The following TBX18 variants were observed in gnomAD, a reference collection of about 807,000 sequenced individuals.
TBX18 encodes T-box transcription factor TBX18.
Under a neutral mutation model 55.0 loss-of-function variants are expected in TBX18, and 21 were observed. The ratio of observed to expected loss-of-function variants is 0.38; its 90% CI spans 0.27 to 0.55. TBX18 has a LOEUF of 0.55. TBX18 is among the 20% of genes least tolerant of loss of function. The pLI is 0.73. For synonymous variants in TBX18, 342 were observed against 326.1 expected (o/e 1.05, Z -0.53); for missense variants, 840 against 799.6 (o/e 1.05, Z -0.61).
intron 1 of TBX18, 48 bp downstream of exon 1, chr6:84,763,842 T>G: frequency 6.9e-7 from 1 of 1,446,218 alleles, no homozygotes; most frequent in East Asian, 2.6e-5. Context: ...TCGCAGAAGT[T>G]CAGGTTCGCG....
Position 84,738,515 on chromosome 6 carries a change from G to A in TBX18, c.1081C>T (p.Pro361Ser). 1 of 1,613,972 alleles carries A rather than the reference G, an allele frequency of 6.2e-7. No homozygotes were observed. Among genetic ancestry groups the A allele is most frequent in the Non-Finnish European group, 8.5e-7 (1 of 1,179,960 alleles). Residue 361 changes from proline to serine, a missense_variant, in exon 7 of 8, where the codon CCT (proline) becomes TCT (serine). By Grantham distance (74) the Pro-to-Ser change is moderately conservative. Coordinates refer to ENST00000369663, the MANE Select transcript of TBX18 (RefSeq NM_001080508.3). Reference sequence around the variant, plus strand: ...GAGTTACCTTGCTTGGGAATTCCAGGGATATCTTCAAAGGTCAGAGTCCGT... The same window carrying A: ...GAGTTACCTTGCTTGGGAATTCCAGAGATATCTTCAAAGGTCAGAGTCCGT... ...SLRTLTFEDIPGIPKQGNASS... is the reference protein window; with the variant it reads ...SLRTLTFEDISGIPKQGNASS...
In TBX18 at chr6:84,763,877, G is replaced by T; in HGVS notation, c.292+13C>A. On this transcript the variant is annotated intron_variant, in intron 1 of 7. Coordinates refer to ENST00000369663, the MANE Select transcript of TBX18 (RefSeq NM_001080508.3). ...GCCGGAGAGAAGTTATAGGCAGGAA[G>T]GGGCCCACTCACCCGCGGCTCCGCG... 6.7e-7 allele frequency: 1 copy of T among 1,488,826 alleles called. No homozygotes were observed. The highest frequency in any genetic ancestry group is 1.3e-5 in the South Asian group (1 of 74,136). The allele number at this position is 1,488,826 out of a possible 1,614,324, so 92.2% of individuals were successfully genotyped here. A position where few individuals can be genotyped will look rare whatever the true frequency, so the allele number is the denominator to read the frequency against.
At chr6:84,748,501 A>C (rs540074137) in intron 4 of TBX18, among the ~76,000 whole-genome samples, 1 of 152,344 alleles carries the variant, frequency 6.6e-6, no homozygotes, top group South Asian at 2.1e-4. Context: ...ATTCACAGAC[A>C]AGGTTTTTTT....
rs761848630 is a variant in TBX18, at chr6:84,764,154, A to C, written c.28T>G (p.Cys10Gly). The change falls in exon 1 of 8, where the codon TGC becomes GGC. Residue 10 changes from cysteine to glycine, a missense_variant. Transcript: ENST00000369663. Reference protein sequence around the residue: MAEKRRGSPCSMLSLKAHAF... With the variant: MAEKRRGSPGSMLSLKAHAF... The stretch of plus-strand genomic sequence containing the variant: ...TGCGCCTTGAGGCTTAGCATGCTGC[A>C]CGGCGAGCCCCTTCGCTTCTCGGCC... 4.1e-5 allele frequency: 62 copies of C among 1,530,748 alleles called. No individual in the cohort carries two copies. The highest frequency in any genetic ancestry group is 5.0e-5 in the Non-Finnish European group (57 of 1,150,238). 94.8% of individuals were successfully genotyped at this position (1,530,748 alleles called of 1,614,324 possible).
chr6:84,738,405 G>GT (rs774002776), intron 7 of TBX18, 92 bp downstream of exon 7: 2 of 949,886 alleles, frequency 2.1e-6, no homozygotes, highest in East Asian at 2.5e-5. Flanking sequence ...GGTCATTATT[G>GT]TAAGTATAAA....
intron 4 of TBX18, among the ~76,000 whole-genome samples, chr6:84,753,439 G>GGA (rs79876876): frequency 5.4e-5 from 8 of 148,778 alleles, no homozygotes; most frequent in South Asian, 2.1e-4. Flanking sequence ...ACTGAGAAGA[G>GGA]AAAAAAAAAA....
At chr6:84,763,385 A>C (rs1489588622) in intron 1 of TBX18, 4 of 457,754 alleles carry the variant, frequency 8.7e-6, no homozygotes, top group Non-Finnish European at 1.8e-5. Context: ...GCCTTGGCAG[A>C]GAAATCAAGA....
chr6:84,762,486 G>A lies in TBX18; in HGVS notation c.497+58C>T, dbSNP rs1003863731. The A allele has an allele frequency of 4.4e-6, 7 of 1,588,174 alleles. No homozygotes were observed. In the Admixed American group the frequency reaches 6.7e-5, roughly 15 times the overall value. On this transcript the variant is annotated intron_variant, in intron 2 of 7. Coordinates refer to ENST00000369663, the MANE Select transcript of TBX18 (RefSeq NM_001080508.3). ...GGCCCTTCTTCCTGATTGAGCTAGAGGTGAGTGAAGACAGGGTCTGGGGTA... is the reference window on the plus strand; with the variant it reads ...GGCCCTTCTTCCTGATTGAGCTAGAAGTGAGTGAAGACAGGGTCTGGGGTA...
At chr6:84,753,565 G>A (rs1396590900) in intron 4 of TBX18, among the ~76,000 whole-genome samples, 1 of 152,160 alleles carries the variant, frequency 6.6e-6, no homozygotes, top group Admixed American at 6.5e-5. Context: ...AGGGGCAGAT[G>A]GGATGAACCT....
intron 5 of TBX18, among the ~76,000 whole-genome samples, chr6:84,746,814 T>C (rs1262919153): frequency 1.3e-5 from 2 of 150,576 alleles, no homozygotes; most frequent in East Asian, 3.9e-4. Flanking sequence ...TCTATTAGCA[T>C]AGATAATAAA....
In TBX18 at chr6:84,744,195, T is replaced by C. The variant is rs1212881564; in HGVS notation, c.1004+66A>G. The C allele has an allele frequency of 4.4e-6, 6 of 1,374,120 alleles. No homozygotes were observed. The South Asian group carries it at 5.2e-5, about 12-fold the overall frequency. The allele number at this position is 1,374,120 out of a possible 1,614,324, so 85.1% of individuals were successfully genotyped here. On this transcript the variant is annotated intron_variant, in intron 6 of 7. Coordinates refer to ENST00000369663, the MANE Select transcript of TBX18 (RefSeq NM_001080508.3). ...GTAAATTTAGCCATTTACTTTGTAATAGAAAATTCATAATAAAATATCAAA... is the reference window on the plus strand; with the variant it reads ...GTAAATTTAGCCATTTACTTTGTAACAGAAAATTCATAATAAAATATCAAA...
At chr6:84,757,491 G>A (rs1292553243) in intron 3 of TBX18, among the ~76,000 whole-genome samples, 1 of 152,006 alleles carries the variant, frequency 6.6e-6, no homozygotes. Flanking sequence ...GGAAAATTTT[G>A]TATTATCATA....
At chr6:84,740,616 T>C (rs968547237) in intron 6 of TBX18, among the ~76,000 whole-genome samples, 2 of 152,204 alleles carry the variant, frequency 1.3e-5, no homozygotes, top group Admixed American at 6.5e-5. Flanking sequence ...ACTGGACTAA[T>C]GAACTCTGGG....
At position 84,737,339 on chromosome 6, in the gene TBX18, CA is replaced by C; in HGVS notation, c.1169del (p.Leu390CysfsTer71). On this transcript the variant is annotated frameshift_variant, in exon 8 of 8. Coordinates refer to ENST00000369663, the MANE Select transcript of TBX18 (RefSeq NM_001080508.3). LOFTEE classifies it high-confidence loss of function. Reference protein sequence around the residue: ...NGVPATHPHLLSGSSCSSPAF... With the variant: ...NGVPATHPHLXSGSSCSSPAF... ...CAGGAGAGGAGCAAGAGGAGCCAGA[CA>C]AAAGGTGAGGGTGAGTGGCAGGAAC... 1.3e-6 allele frequency: 2 copies of C among 1,583,746 alleles called. No homozygotes were observed. The highest frequency in any genetic ancestry group is 1.7e-6 in the Non-Finnish European group (2 of 1,165,686).
rs141385893 is a variant in TBX18, at chr6:84,747,469, T to C, written c.939+451A>G. Among the ~76,000 whole-genome samples the C allele has an allele frequency of 3.0e-3, 457 of 152,332 alleles. 3 individuals are homozygous for C. Among genetic ancestry groups the C allele is most frequent in the African/African-American group, 8.1e-3 (337 of 41,588 alleles). On this transcript the variant is annotated intron_variant, in intron 5 of 7. Coordinates refer to ENST00000369663, the MANE Select transcript of TBX18 (RefSeq NM_001080508.3). ...ATCATCCTCTATCACAATTAAAGCATATCTTGAAAGAAATAGCCCTTTTGT... is the reference window on the plus strand; with the variant it reads ...ATCATCCTCTATCACAATTAAAGCACATCTTGAAAGAAATAGCCCTTTTGT...
intron 4 of TBX18, among the ~76,000 whole-genome samples, chr6:84,750,466 T>C (rs1208748895): frequency 6.6e-6 from 1 of 152,072 alleles, no homozygotes; most frequent in African/African-American, 2.4e-5. Context: ...GCCCTCCAAT[T>C]AGAGGTGCTT....
Position 84,754,010 on chromosome 6 carries a change from C to T in TBX18, c.771+2688G>A, listed in dbSNP as rs571453097. 8.9e-4 allele frequency among the ~76,000 whole-genome samples: 136 copies of T among 152,296 alleles called. 1 individual carries two copies. The highest frequency in any genetic ancestry group is 3.2e-3 in the African/African-American group (131 of 41,564). ...TGGCATGATCTCAGCTCACTACAAC[C>T]TCTGCCTCCTGGGTTCAAGTGATTC... On this transcript the variant is annotated intron_variant, in intron 4 of 7. Transcript: ENST00000369663.
In TBX18 at chr6:84,733,185, T is replaced by C. The variant is rs900744669; in HGVS notation, c.*3500A>G. The C allele has an allele frequency of 6.6e-5, 10 of 152,306 alleles. No individual in the cohort carries two copies. The East Asian group carries it at 1.5e-3, about 24-fold the overall frequency. The allele number at this position is 152,306 out of a possible 1,614,324, so 9.4% of individuals were successfully genotyped here. On this transcript the variant is annotated 3_prime_UTR_variant, in exon 8 of 8. Transcript: ENST00000369663. Reference sequence around the variant, plus strand: ...CTAAGTTTATATATCTGTTGAATGTTTGTATACTTGAATATATTTGTCGAT... The same window carrying C: ...CTAAGTTTATATATCTGTTGAATGTCTGTATACTTGAATATATTTGTCGAT...
intron 2 of TBX18, among the ~76,000 whole-genome samples, chr6:84,760,834 T>C (rs1767629114): frequency 6.6e-6 from 1 of 152,166 alleles, no homozygotes; most frequent in Admixed American, 6.5e-5. Flanking sequence ...AAACAATATG[T>C]TCTTTATTGA....
Sources: allele counts gnomAD v4.1 joint callset (sites outside exome capture counted in the v4.1 genomes callset), GRCh38; gene constraint gnomAD v4.1.1; transcripts MANE v1.5; gene names NCBI Gene and HGNC (gene_info 2026-07-23, HGNC 2026-07-21).